NECTIN3: variants seen among roughly 807,000 people sequenced by gnomAD.
The protein encoded by NECTIN3 is nectin-3.
A neutral mutation model predicts 49.4 loss-of-function variants in NECTIN3; 8 were observed. That is an observed-to-expected ratio of 0.16 (90% confidence interval 0.10 to 0.29). The LOEUF (loss-of-function observed/expected upper bound fraction) is 0.29. Ranked by LOEUF, NECTIN3 falls within the 10% of genes least tolerant of loss-of-function variation. The pLI is 1.00. For synonymous variants in NECTIN3, 277 were observed against 241.1 expected (o/e 1.15, Z -1.38); for missense variants, 581 against 654.6 (o/e 0.89, Z 1.23).
intron 1 of NECTIN3, among the ~76,000 whole-genome samples, chr3:111,109,702 T>C (rs1426339025): frequency 6.6e-6 from 1 of 152,090 alleles, no homozygotes; most frequent in Non-Finnish European, 1.5e-5. Context: ...TTTATGTTCC[T>C]AATACCAAAC....
intron 1 of NECTIN3, among the ~76,000 whole-genome samples, chr3:111,107,087 T>C (rs2033213722): frequency 6.6e-6 from 1 of 152,162 alleles, no homozygotes; most frequent in South Asian, 2.1e-4. Context: ...CAAACACTTT[T>C]AGTGTGTGTG....
chr3:111,124,925 G>C (rs1433926696), intron 4 of NECTIN3, among the ~76,000 whole-genome samples: 2 of 151,684 alleles, frequency 1.3e-5, no homozygotes, highest in East Asian at 3.9e-4. Context: ...GTAATTGAAT[G>C]AAGGAATAAG....
intron 5 of NECTIN3, among the ~76,000 whole-genome samples, chr3:111,131,759 G>A (rs1217651379): frequency 6.6e-6 from 1 of 151,708 alleles, no homozygotes. Flanking sequence ...AGGATACTTG[G>A]TAAAAATGTG....
intron 7 of NECTIN3, among the ~76,000 whole-genome samples, chr3:111,181,855 T>G (rs1466258689): frequency 1.3e-5 from 2 of 152,054 alleles, no homozygotes; most frequent in African/African-American, 2.4e-5. Flanking sequence ...GTTTGTGTGT[T>G]TGTTTTGCTT....
intron 7 of NECTIN3, among the ~76,000 whole-genome samples, chr3:111,176,847 C>G (rs1179833018): frequency 6.6e-6 from 1 of 152,016 alleles, no homozygotes; most frequent in Non-Finnish European, 1.5e-5. Flanking sequence ...CTATTACACC[C>G]TCAGTAGGAA....
Position 111,137,325 on chromosome 3 carries a change from A to C in NECTIN3, c.*3110A>C. 1.0e-6 allele frequency: 1 copy of C among 973,220 alleles called. No individual in the cohort carries two copies. The highest frequency in any genetic ancestry group is 1.2e-6 in the Non-Finnish European group (1 of 819,046). The allele number at this position is 973,220 out of a possible 1,614,324, so 60.3% of individuals were successfully genotyped here. A position where few individuals can be genotyped will look rare whatever the true frequency, so the allele number is the denominator to read the frequency against. On this transcript the variant is annotated 3_prime_UTR_variant, in exon 6 of 6. Transcript: ENST00000485303. ...AATTGTCTTTCCTGTTTACTTGTTA[A>C]TTAGAAAATGCATCCTTCATAAACA...
intron 5 of NECTIN3, among the ~76,000 whole-genome samples, chr3:111,131,172 G>A (rs2034374924): frequency 6.6e-6 from 1 of 151,742 alleles, no homozygotes; most frequent in Admixed American, 6.6e-5. Flanking sequence ...CCTTTTACGG[G>A]GCATTACATG....
downstream of NECTIN3, among the ~76,000 whole-genome samples, chr3:111,137,948 A>G (rs1376296724): frequency 6.6e-6 from 1 of 151,380 alleles, no homozygotes; most frequent in Non-Finnish European, 1.5e-5. Flanking sequence ...TTAACCATTT[A>G]ATTCCCAATC....
chr3:111,169,372 AAACTT>A (rs1559816971), intron 7 of NECTIN3, among the ~76,000 whole-genome samples: 1 of 139,428 alleles, frequency 7.2e-6, no homozygotes, highest in African/African-American at 2.9e-5. Flanking sequence ...TTACAAACGC[AAACTT>A]TTTTTTTTTT....
At chr3:111,142,155 T>G (rs1316477959), downstream of NECTIN3, among the ~76,000 whole-genome samples, 1 of 151,988 alleles carries the variant, frequency 6.6e-6, no homozygotes, top group Non-Finnish European at 1.5e-5. Context: ...TTTCATCAAC[T>G]GTTAATACCC....
intron 2 of NECTIN3, among the ~76,000 whole-genome samples, 153 bp downstream of exon 2, chr3:111,112,524 T>C (rs2033516094): frequency 6.6e-6 from 1 of 152,208 alleles, no homozygotes; most frequent in African/African-American, 2.4e-5. Flanking sequence ...TTAAAATTTA[T>C]GATTCTAGGT....
At chr3:111,161,986 G>A (rs1391136626) in intron 7 of NECTIN3, among the ~76,000 whole-genome samples, 3 of 152,074 alleles carry the variant, frequency 2.0e-5, no homozygotes, top group Non-Finnish European at 4.4e-5. Flanking sequence ...ACATTGAATC[G>A]AGAATCGCAA....
At chr3:111,155,473 C>T (rs2035078418) in intron 7 of NECTIN3, among the ~76,000 whole-genome samples, 1 of 152,144 alleles carries the variant, frequency 6.6e-6, no homozygotes, top group South Asian at 2.1e-4. Flanking sequence ...CACCTGGTAG[C>T]TTTCTATATA....
intron 4 of NECTIN3, among the ~76,000 whole-genome samples, chr3:111,124,197 C>T (rs1021400710): frequency 6.6e-6 from 1 of 152,042 alleles, no homozygotes; most frequent in Non-Finnish European, 1.5e-5. Flanking sequence ...TTTCTAAAAG[C>T]CATACAACTC....
At chr3:111,072,631 T>A (rs2107341666) in intron 1 of NECTIN3, 1 of 1,482,480 alleles carries the variant, frequency 6.7e-7, no homozygotes, top group East Asian at 2.5e-5. Flanking sequence ...CCACTTCTCA[T>A]GGCCTTCCAC....
In NECTIN3 at chr3:111,165,763, A is replaced by G. The variant is rs529856013; in HGVS notation, c.1221+18279A>G. ...TATATTAGTTGCACAATGGGAGGCT[A>G]TAGTTATAGAATAATGAATTAGTAA... On this transcript the variant is annotated intron_variant, in intron 7 of 8. Coordinates refer to the NECTIN3 transcript ENST00000493615. 3.1e-3 allele frequency among the ~76,000 whole-genome samples: 471 copies of G among 152,352 alleles called. 2 individuals are homozygous for G. The highest frequency in any genetic ancestry group is 0.011 in the African/African-American group (445 of 41,586).
At chr3:111,190,237 T>C (rs1305255957), upstream of NECTIN3, among the ~76,000 whole-genome samples, 1 of 152,230 alleles carries the variant, frequency 6.6e-6, no homozygotes, top group Non-Finnish European at 1.5e-5. Context: ...TATCACCTGA[T>C]CATGTGGGAA....
intron 1 of NECTIN3, among the ~76,000 whole-genome samples, chr3:111,083,124 T>A (rs1359408334): frequency 6.6e-6 from 1 of 152,130 alleles, no homozygotes; most frequent in African/African-American, 2.4e-5. Flanking sequence ...TGCTGTGCGG[T>A]CCAGTTCCTG....
chr3:111,129,102 T>C (rs766382996), intron 5 of NECTIN3, among the ~76,000 whole-genome samples: 1 of 152,182 alleles, frequency 6.6e-6, no homozygotes, highest in Non-Finnish European at 1.5e-5. Context: ...CATTCCTACC[T>C]CAGAGTCTTT....
Sources: gnomAD v4.1 joint callset for allele counts (sites outside exome capture counted in the v4.1 genomes callset) on GRCh38, gnomAD v4.1.1 for gene constraint, MANE v1.5 for transcripts, NCBI Gene and HGNC (gene_info 2026-07-23, HGNC 2026-07-21) for gene names.